Variants in UGCG observed in about 807,000 individuals in gnomAD.
UGCG encodes the protein UDP-glucose ceramide glucosyltransferase, also known as ceramide glucosyltransferase.
UGCG carries 10 observed loss-of-function variants against 49.5 expected under a neutral mutation model. The observed-to-expected ratio is 0.20, with a 90% CI of 0.12 to 0.34. The LOEUF (loss-of-function observed/expected upper bound fraction) is 0.34. Among genes scored for constraint, UGCG ranks in the 10% least tolerant of loss-of-function variants. UGCG has a pLI of 1.00. For missense variants in UGCG, 312 were observed against 483.7 expected, an observed-to-expected ratio of 0.65 and a Z score of 3.33; for synonymous variants, 182 against 158.2, an observed-to-expected ratio of 1.15 and a Z score of -1.13.
At position 111,903,784 on chromosome 9, in the gene UGCG, C is replaced by T. The variant is rs554119115; in HGVS notation, c.98+6471C>T. Among the ~76,000 whole-genome samples, 14 of 152,068 alleles carry T rather than the reference C, an allele frequency of 9.2e-5. No individual in the cohort carries two copies. In the East Asian group the frequency reaches 1.4e-3, roughly 15 times the overall value. ...CTGATTTTTGTGTTTTTTGTAGAGACGGGGTTCCGCCGTGTTGGCTAGGCT... is the reference window on the plus strand; with the variant it reads ...CTGATTTTTGTGTTTTTTGTAGAGATGGGGTTCCGCCGTGTTGGCTAGGCT... On this transcript the variant is annotated intron_variant, in intron 1 of 8. Transcript: ENST00000374279.
chr9:111,913,563 G>A (rs993352960), intron 1 of UGCG, among the ~76,000 whole-genome samples: 1 of 150,862 alleles, frequency 6.6e-6, no homozygotes, highest in African/African-American at 2.4e-5. Context: ...CTCCCGAGTA[G>A]CTGGGATTAT....
chr9:111,924,031 A>AC (rs1290698546), intron 3 of UGCG, among the ~76,000 whole-genome samples: 1 of 151,782 alleles, frequency 6.6e-6, no homozygotes, highest in African/African-American at 2.4e-5. Flanking sequence ...CAGGTGATCC[A>AC]CCCCCCTCGA....
intron 7 of UGCG, 56 bp downstream of exon 7, chr9:111,931,413 G>A: frequency 1.3e-6 from 2 of 1,549,432 alleles, no homozygotes; most frequent in East Asian, 2.3e-5. Context: ...GGAGGGGGGT[G>A]GTAATTTTTA....
intron 5 of UGCG, 88 bp from the exon 6 acceptor site, chr9:111,929,412 A>G (rs1343438181): frequency 1.7e-5 from 23 of 1,366,872 alleles, no homozygotes; most frequent in Non-Finnish European, 2.1e-5. Flanking sequence ...AATCATACTT[A>G]TAAAAAAACC....
At chr9:111,926,053 GC>G (rs1429049929) in intron 4 of UGCG, among the ~76,000 whole-genome samples, 2 of 152,142 alleles carry the variant, frequency 1.3e-5, no homozygotes, top group Non-Finnish European at 2.9e-5. Flanking sequence ...CTGCTCCTGA[GC>G]CTTTTCCACT....
chr9:111,916,838 C>T (rs576128362), intron 2 of UGCG, among the ~76,000 whole-genome samples: 52 of 151,808 alleles, frequency 3.4e-4, no homozygotes, highest in African/African-American at 1.2e-3. Context: ...GACCCCATAA[C>T]TGATTTCTTG....
intron 2 of UGCG, among the ~76,000 whole-genome samples, chr9:111,918,655 C>T (rs1342598179): frequency 1.3e-5 from 2 of 151,900 alleles, no homozygotes; most frequent in Admixed American, 6.6e-5. Flanking sequence ...ACTTCAAGGC[C>T]GGGGGCGGTG....
Position 111,913,599 on chromosome 9 carries a change from A to ATTT in UGCG, c.99-988_99-986dup, listed in dbSNP as rs35083061. Among the ~76,000 whole-genome samples, 32 of 132,210 alleles carry ATTT rather than the reference A, an allele frequency of 2.4e-4. 1 individual carries two copies. In the East Asian group the frequency reaches 6.8e-3, roughly 28 times the overall value. 86.7% of individuals were successfully genotyped at this position (132,210 alleles called of 152,430 possible). A position where few individuals can be genotyped will look rare whatever the true frequency, so the allele number is the denominator to read the frequency against. On this transcript the variant is annotated intron_variant, in intron 1 of 8. Coordinates refer to ENST00000374279, the MANE Select transcript of UGCG (RefSeq NM_003358.3). ...AGGCACCCACCACCACGCCCAGCTA[A>ATTT]TTTTTTTTTTTTTTTTTTTTAGTAG...
rs562290988 is a variant in UGCG, at chr9:111,897,612, G to A, written c.98+299G>A. 2.0e-5 allele frequency among the ~76,000 whole-genome samples: 3 copies of A among 152,214 alleles called. No individual in the cohort carries two copies. In the East Asian group the frequency reaches 5.8e-4, roughly 30 times the overall value. ...GTGGTGGCTTGGTTTGATTGTGCTG[G>A]GGATTCGTGTAATTTTTCATCTGGG... On this transcript the variant is annotated intron_variant, in intron 1 of 8. Coordinates refer to ENST00000374279, the MANE Select transcript of UGCG (RefSeq NM_003358.3).
chr9:111,897,391 C>G, intron 1 of UGCG, 78 bp downstream of exon 1: 1 of 1,197,578 alleles, frequency 8.4e-7, no homozygotes, highest in South Asian at 1.3e-5. Flanking sequence ...AACGTTTGCG[C>G]TTTGAAGGGG....
intron 2 of UGCG, 44 bp from the exon 3 acceptor site, chr9:111,922,805 A>G (rs201274380): frequency 2.0e-6 from 3 of 1,467,626 alleles, no homozygotes; most frequent in East Asian, 4.6e-5. Flanking sequence ...GTAAGTGCTT[A>G]TTTTTTTAAA....
chr9:111,922,527 G>GGCC (rs1458123401), intron 2 of UGCG, among the ~76,000 whole-genome samples: 2 of 152,154 alleles, frequency 1.3e-5, no homozygotes, highest in Non-Finnish European at 2.9e-5. Context: ...CTTCAGTAGT[G>GGCC]ATGGCCATGG....
intron 1 of UGCG, among the ~76,000 whole-genome samples, chr9:111,901,786 T>G (rs553191644): frequency 9.5e-4 from 144 of 152,340 alleles, no homozygotes; most frequent in African/African-American, 3.3e-3. Context: ...TCTCTGACAT[T>G]AGTTAGTTCA....
Position 111,914,641 on chromosome 9 carries a change from G to C in UGCG, c.135G>C (p.Gln45His). 6.2e-7 allele frequency: 1 copy of C among 1,614,096 alleles called. No individual in the cohort carries two copies. Among genetic ancestry groups the C allele is most frequent in the Middle Eastern group, 1.7e-4 (1 of 6,060 alleles). ...LHLNKKATDK[Q>H]PYSKLPGVSL... Reference sequence around the variant, plus strand: ...TCAACAAGAAGGCAACTGACAAACAGCCTTATAGCAAGCTCCCAGGTGTCT... The same window carrying C: ...TCAACAAGAAGGCAACTGACAAACACCCTTATAGCAAGCTCCCAGGTGTCT... Residue 45 changes from glutamine (Q) to histidine (H), a missense_variant, in exon 2 of 9, where the codon CAG becomes CAC. Around this residue, in one of 4 missense-constraint regions of UGCG, gnomAD observed 65 missense variants for 74.7 expected, o/e 0.87. Transcript: ENST00000374279.
At chr9:111,898,668 T>TA (rs1231921409) in intron 1 of UGCG, among the ~76,000 whole-genome samples, 2 of 152,102 alleles carry the variant, frequency 1.3e-5, no homozygotes, top group Non-Finnish European at 2.9e-5. Flanking sequence ...TTTACCGTCA[T>TA]AAAAATAAAA....
intron 4 of UGCG, 58 bp from the exon 5 acceptor site, chr9:111,926,326 A>C (rs1838311451): frequency 1.8e-6 from 2 of 1,110,874 alleles, no homozygotes; most frequent in African/African-American, 3.1e-5. Context: ...ATTAATGGGC[A>C]TTCTACTAAA....
At chr9:111,912,619 A>G (rs192208945) in intron 1 of UGCG, among the ~76,000 whole-genome samples, 4 of 152,262 alleles carry the variant, frequency 2.6e-5, no homozygotes, top group Admixed American at 1.3e-4. Flanking sequence ...CCATGAGCCA[A>G]TACTTTGGTA....
At chr9:111,919,086 GT>G in intron 2 of UGCG, among the ~76,000 whole-genome samples, 1 of 152,142 alleles carries the variant, frequency 6.6e-6, no homozygotes, top group East Asian at 1.9e-4. Flanking sequence ...TTTTTACAAA[GT>G]TTTCTCTTGC....
intron 1 of UGCG, 21 bp downstream of exon 1, chr9:111,897,334 G>A (rs1411370122): frequency 1.3e-6 from 2 of 1,540,086 alleles, no homozygotes. Flanking sequence ...GACCGCAGGA[G>A]GGGCTCGGGG....
Sources: allele counts gnomAD v4.1 joint callset (sites outside exome capture counted in the v4.1 genomes callset), GRCh38; gene constraint gnomAD v4.1.1; regional missense constraint gnomAD v4.1.1; transcripts MANE v1.5; gene names NCBI Gene and HGNC (gene_info 2026-07-23, HGNC 2026-07-21).